Variants in STK31 observed in about 807,000 individuals in gnomAD.
STK31 encodes the protein serine/threonine kinase 31.
A neutral mutation model predicts 129.7 loss-of-function variants in STK31; 89 were observed. That is an observed-to-expected ratio of 0.69 (90% CI 0.58 to 0.82). The LOEUF (loss-of-function observed/expected upper bound fraction) is 0.82, where lower values mean the gene tolerates loss of function less well. STK31 is among the 40% of genes least tolerant of loss of function. The pLI is 0.00. For synonymous variants in STK31, 448 were observed against 395.3 expected, an observed-to-expected ratio of 1.13 and a Z score of -1.58; for missense variants, 1,187 against 1,176.4, an observed-to-expected ratio of 1.01 and a Z score of -0.13.
In STK31 at chr7:23,754,465, T is replaced by C. The variant is rs145867806; in HGVS notation, c.1284T>C (p.Cys428=). Reference sequence around the variant, plus strand: ...TGGCTCAGGAGAATATTAAAACTTGTGAATATGTGGTGAGTTGGGAATTTT... The same window carrying C: ...TGGCTCAGGAGAATATTAAAACTTGCGAATATGTGGTGAGTTGGGAATTTT... ...YSLAQENIKT[C]EYVSEGNILI... The change falls in exon 10 of 24, where the codon TGT becomes TGC. Residue 428 remains cysteine (C), a synonymous_variant. Coordinates refer to ENST00000355870, the MANE Select transcript of STK31 (RefSeq NM_031414.5). 1.1e-4 allele frequency: 178 copies of C among 1,609,874 alleles called. No individual in the cohort carries two copies. The African/African-American group carries it at 1.2e-3, about 11-fold the overall frequency.
intron 22 of STK31, among the ~76,000 whole-genome samples, chr7:23,797,834 GAAA>G (rs747441091): frequency 4.6e-5 from 7 of 152,124 alleles, no homozygotes; most frequent in Non-Finnish European, 8.8e-5. Flanking sequence ...CTGGTTTCTT[GAAA>G]AGATTAACAA....
chr7:23,730,967 C>T (rs1282110532), intron 6 of STK31, among the ~76,000 whole-genome samples: 1 of 146,524 alleles, frequency 6.8e-6, no homozygotes, highest in Non-Finnish European at 1.5e-5. Flanking sequence ...TCACTGCAAC[C>T]TCCGCCTCTT....
At chr7:23,769,256 G>A (rs1790029679) in intron 12 of STK31, 82 bp downstream of exon 12, 2 of 1,296,054 alleles carry the variant, frequency 1.5e-6, no homozygotes, top group Admixed American at 3.0e-5. Context: ...TTGTTCAAGA[G>A]CTGACATCAT....
chr7:23,788,321 A>G (rs937326858), intron 21 of STK31, among the ~76,000 whole-genome samples, 192 bp downstream of exon 21: 44 of 152,184 alleles, frequency 2.9e-4, no homozygotes, highest in Non-Finnish European at 5.4e-4. Flanking sequence ...TATTTTAACC[A>G]TAAGTCTTAG....
intron 23 of STK31, among the ~76,000 whole-genome samples, chr7:23,822,330 T>C (rs1300690353): frequency 2.0e-5 from 3 of 152,204 alleles, no homozygotes; most frequent in Admixed American, 6.5e-5. Context: ...TTTGTAGCTT[T>C]CTTTGTAGAT....
intron 4 of STK31, among the ~76,000 whole-genome samples, chr7:23,719,760 G>A (rs917502878): frequency 4.6e-5 from 7 of 152,072 alleles, no homozygotes; most frequent in African/African-American, 1.7e-4. Context: ...TTCATGCTTA[G>A]ATGAGTATAA....
At chr7:23,799,106 T>TG (rs149432772) in intron 22 of STK31, among the ~76,000 whole-genome samples, 17,187 of 152,028 alleles carry the variant, frequency 0.11, 1,558 homozygotes, top group African/African-American at 0.25. Context: ...CACAAAAAAA[T>TG]GGAAAACAAA....
intron 8 of STK31, among the ~76,000 whole-genome samples, chr7:23,740,568 A>C (rs567951355): frequency 6.6e-6 from 1 of 152,164 alleles, no homozygotes; most frequent in South Asian, 2.1e-4. Context: ...ATACGTATAC[A>C]TGTGCCATGT....
At chr7:23,785,317 A>G (rs1330976111) in intron 17 of STK31, among the ~76,000 whole-genome samples, 161 bp from the exon 18 acceptor site, 1 of 152,206 alleles carries the variant, frequency 6.6e-6, no homozygotes, top group African/African-American at 2.4e-5. Flanking sequence ...AGAGCCAGGA[A>G]CTGGAGAAAG....
intron 1 of STK31, 41 bp from the exon 2 acceptor site, chr7:23,712,058 A>C (rs752778920): frequency 1.0e-5 from 15 of 1,498,018 alleles, no homozygotes; most frequent in Non-Finnish European, 1.4e-5. Flanking sequence ...ATTCATTATT[A>C]ATGGTGGATT....
chr7:23,740,036 A>T (rs1787961117), intron 8 of STK31, among the ~76,000 whole-genome samples: 1 of 152,202 alleles, frequency 6.6e-6, no homozygotes, highest in African/African-American at 2.4e-5. Context: ...TGATGGGAAT[A>T]GAATTGAATC....
intron 15 of STK31, among the ~76,000 whole-genome samples, chr7:23,772,519 G>A (rs977969272): frequency 6.6e-6 from 1 of 152,032 alleles, no homozygotes; most frequent in Non-Finnish European, 1.5e-5. Flanking sequence ...GGCTGCCTTG[G>A]TTCTTAGTAA....
chr7:23,727,513 A>G (rs1055740331), intron 5 of STK31, 198 bp downstream of exon 5: 2 of 463,046 alleles, frequency 4.3e-6, no homozygotes, highest in South Asian at 2.9e-5. Flanking sequence ...AGATTATATA[A>G]TATGTAGGTT....
intron 10 of STK31, among the ~76,000 whole-genome samples, chr7:23,761,622 A>G (rs1789469506): frequency 6.6e-6 from 1 of 151,022 alleles, no homozygotes; most frequent in South Asian, 2.1e-4. Context: ...GGGTTTCACC[A>G]TGGTCTCGAT....
intron 20 of STK31, 84 bp from the exon 21 acceptor site, chr7:23,787,896 G>T (rs1791393596): frequency 1.5e-6 from 2 of 1,348,256 alleles, no homozygotes; most frequent in South Asian, 1.7e-5. Flanking sequence ...CTCACTTCTA[G>T]AGCAGTCTTT....
At chr7:23,803,775 C>T (rs989805296) in intron 22 of STK31, among the ~76,000 whole-genome samples, 4 of 152,132 alleles carry the variant, frequency 2.6e-5, no homozygotes, top group African/African-American at 9.7e-5. Context: ...CTGTTGTTCC[C>T]TTCTTTGTGT....
At chr7:23,756,701 G>A (rs750660533) in intron 10 of STK31, among the ~76,000 whole-genome samples, 11 of 152,168 alleles carry the variant, frequency 7.2e-5, no homozygotes, top group Non-Finnish European at 1.3e-4. Flanking sequence ...TTAACATGAA[G>A]GCATGTTGAA....
Position 23,814,146 on chromosome 7 carries a change from C to CTTTTTTTTTTTTTTTTTTTTTTTTTTTTT in STK31, c.2761-996_2761-995insTTTTTTTTTTTTTTTTTTTTTTTTTTTTT, listed in dbSNP as rs71552259. On this transcript the variant is annotated intron_variant, in intron 22 of 23. Coordinates refer to ENST00000355870, the MANE Select transcript of STK31 (RefSeq NM_031414.5). ...GTTGGGAAACATCAGATCTGGCTCACTTATTTTTTTTTTTTTTTCAGTTGG... is the reference window on the plus strand; with the variant it reads ...GTTGGGAAACATCAGATCTGGCTCACTTTTTTTTTTTTTTTTTTTTTTTTTTTTTTTATTTTTTTTTTTTTTTCAGTTGG... Among the ~76,000 whole-genome samples, 4 of 98,914 alleles carry CTTTTTTTTTTTTTTTTTTTTTTTTTTTTT rather than the reference C, an allele frequency of 4.0e-5. 2 individuals are homozygous for CTTTTTTTTTTTTTTTTTTTTTTTTTTTTT. Among genetic ancestry groups the CTTTTTTTTTTTTTTTTTTTTTTTTTTTTT allele is most frequent in the African/African-American group, 1.8e-4 (4 of 22,076 alleles). 64.9% of individuals were successfully genotyped at this position (98,914 alleles called of 152,430 possible).
In STK31 at chr7:23,717,639, G is replaced by C. The variant is rs192396365; in HGVS notation, c.249+60G>C. ...CTCCTGTCAGCTTTCCTGTGTCTTAGATATTTAGTTTTTGGAGTTCCTGGT... is the reference window on the plus strand; with the variant it reads ...CTCCTGTCAGCTTTCCTGTGTCTTACATATTTAGTTTTTGGAGTTCCTGGT... On this transcript the variant is annotated intron_variant, in intron 4 of 23. Transcript: ENST00000355870. The C allele has an allele frequency of 3.0e-5, 41 of 1,369,992 alleles. No homozygotes were observed. In the African/African-American group the frequency reaches 5.5e-4, roughly 18 times the overall value. 84.9% of individuals were successfully genotyped at this position (1,369,992 alleles called of 1,614,324 possible).
Sources: gnomAD v4.1 joint callset for allele counts (sites outside exome capture counted in the v4.1 genomes callset) on GRCh38, gnomAD v4.1.1 for gene constraint, MANE v1.5 for transcripts, NCBI Gene and HGNC (gene_info 2026-07-23, HGNC 2026-07-21) for gene names.